Variants in SUMF1 observed in about 807,000 individuals in gnomAD.
SUMF1 encodes the protein sulfatase modifying factor 1.
SUMF1 carries 48 observed loss-of-function variants against 47.6 expected under a neutral mutation model. That is an observed-to-expected ratio of 1.01 (90% CI 0.80 to 1.28). The LOEUF (loss-of-function observed/expected upper bound fraction) is 1.28. SUMF1 is among the 50% of genes most tolerant of loss of function. SUMF1 has a pLI of 0.00. For missense variants in SUMF1, 571 were observed against 485.4 expected (o/e 1.18, Z -1.66); for synonymous variants, 230 against 192.1 (o/e 1.20, Z -1.63).
chr3:4,385,867 C>G (rs578111037), intron 7 of SUMF1, among the ~76,000 whole-genome samples: 2 of 152,300 alleles, frequency 1.3e-5, no homozygotes, highest in African/African-American at 4.8e-5. Context: ...TGTTCCAGCA[C>G]CATATGTTGA....
intron 8 of SUMF1, among the ~76,000 whole-genome samples, chr3:4,365,600 CTA>C (rs879498396): frequency 4.1e-5 from 6 of 145,286 alleles, no homozygotes; most frequent in Non-Finnish European, 7.6e-5. Context: ...TATTTTGAGC[CTA>C]TGTGTGTCTC....
intron 8 of SUMF1, among the ~76,000 whole-genome samples, chr3:4,260,023 A>AT (rs1305238715): frequency 8.5e-6 from 1 of 117,436 alleles, no homozygotes; most frequent in South Asian, 2.3e-4. Flanking sequence ...CAGAAAAAGG[A>AT]TAAAAAAAAA....
At chr3:4,065,834 C>G (rs1296849963) in intron 9 of SUMF1, among the ~76,000 whole-genome samples, 1 of 152,150 alleles carries the variant, frequency 6.6e-6, no homozygotes, top group Admixed American at 6.6e-5. Flanking sequence ...AGCAACAGCT[C>G]TGAGAACTCA....
chr3:4,050,326 T>C (rs1695084157), intron 9 of SUMF1, among the ~76,000 whole-genome samples: 1 of 151,944 alleles, frequency 6.6e-6, no homozygotes, highest in African/African-American at 2.4e-5. Context: ...AGGCAATCTA[T>C]TGTTATAAAA....
At chr3:4,364,134 T>C (rs1348452678) in intron 8 of SUMF1, among the ~76,000 whole-genome samples, 1 of 141,498 alleles carries the variant, frequency 7.1e-6, no homozygotes, top group Admixed American at 7.5e-5. Context: ...GCCAGTATTT[T>C]ATTGAGGATT....
At chr3:4,131,410 T>C (rs1220761026) in intron 8 of SUMF1, among the ~76,000 whole-genome samples, 1 of 152,064 alleles carries the variant, frequency 6.6e-6, no homozygotes, top group African/African-American at 2.4e-5. Context: ...AGGCCCTGGT[T>C]CTCAAATGGG....
At chr3:4,146,574 T>C (rs1054292729) in intron 8 of SUMF1, among the ~76,000 whole-genome samples, 2 of 151,972 alleles carry the variant, frequency 1.3e-5, no homozygotes, top group African/African-American at 4.8e-5. Context: ...CTAGGGTACA[T>C]GTGCACAACG....
chr3:4,254,404 C>T (rs986057935), intron 8 of SUMF1, among the ~76,000 whole-genome samples: 1 of 150,242 alleles, frequency 6.7e-6, no homozygotes, highest in Non-Finnish European at 1.5e-5. Flanking sequence ...ATAACCAATA[C>T]AGAGAAGTGC....
intron 6 of SUMF1, among the ~76,000 whole-genome samples, chr3:4,411,251 T>C (rs1701531664): frequency 6.6e-6 from 1 of 152,170 alleles, no homozygotes; most frequent in Non-Finnish European, 1.5e-5. Flanking sequence ...ACTAATATTA[T>C]CATCAATCAA....
At chr3:4,449,052 G>A (rs376217574) in intron 3 of SUMF1, among the ~76,000 whole-genome samples, 24 of 152,158 alleles carry the variant, frequency 1.6e-4, no homozygotes, top group African/African-American at 5.6e-4. Context: ...GAAACTCAAG[G>A]CAGACCCATC....
chr3:4,349,776 T>G (rs79901438), intron 8 of SUMF1, among the ~76,000 whole-genome samples: 35,042 of 151,648 alleles, frequency 0.23, 5,051 homozygotes, highest in Admixed American at 0.31. Flanking sequence ...CAAGTGAGAG[T>G]TGAACATTGA....
At chr3:4,173,034 G>A (rs969085410) in intron 8 of SUMF1, among the ~76,000 whole-genome samples, 2 of 152,114 alleles carry the variant, frequency 1.3e-5, no homozygotes, top group Non-Finnish European at 2.9e-5. Context: ...TCTGTATAAG[G>A]TGTAAGGAAG....
chr3:4,049,794 C>G (rs191416746), intron 9 of SUMF1, among the ~76,000 whole-genome samples: 2 of 152,242 alleles, frequency 1.3e-5, no homozygotes, highest in East Asian at 3.9e-4. Context: ...TTTCTGTACC[C>G]AAGCTCTCGT....
intron 8 of SUMF1, among the ~76,000 whole-genome samples, chr3:4,098,400 G>A (rs757223589): frequency 1.3e-5 from 2 of 152,056 alleles, no homozygotes; most frequent in Non-Finnish European, 2.9e-5. Context: ...ATTAAAATGT[G>A]GTAGAGCCTG....
At chr3:4,434,810 G>A (rs956862803) in intron 3 of SUMF1, among the ~76,000 whole-genome samples, 3 of 151,798 alleles carry the variant, frequency 2.0e-5, no homozygotes, top group Admixed American at 6.6e-5. Context: ...TGATTTTGCT[G>A]GAAAAAAAAA....
chr3:4,425,339 A>G (rs1285136398), intron 3 of SUMF1, among the ~76,000 whole-genome samples: 1 of 152,222 alleles, frequency 6.6e-6, no homozygotes, highest in Non-Finnish European at 1.5e-5. Flanking sequence ...ATTAAATTTA[A>G]AAATACATGT....
intron 8 of SUMF1, among the ~76,000 whole-genome samples, chr3:4,089,972 C>A (rs1248286407): frequency 6.6e-6 from 1 of 152,052 alleles, no homozygotes; most frequent in Admixed American, 6.6e-5. Context: ...GCGGTAGTTA[C>A]ACAATTATCT....
chr3:4,173,998 G>A (rs1160204937), intron 8 of SUMF1, among the ~76,000 whole-genome samples: 1 of 152,082 alleles, frequency 6.6e-6, no homozygotes, highest in Non-Finnish European at 1.5e-5. Context: ...TGCACATTCT[G>A]CACATGTATC....
At chr3:4,321,086 C>A (rs1260396473) in intron 8 of SUMF1, among the ~76,000 whole-genome samples, 1 of 152,074 alleles carries the variant, frequency 6.6e-6, no homozygotes, top group Admixed American at 6.6e-5. Flanking sequence ...AGCCAGGTTT[C>A]TCACTGTTGG....
Sources: allele counts gnomAD v4.1 joint callset (sites outside exome capture counted in the v4.1 genomes callset), GRCh38; gene constraint gnomAD v4.1.1; transcripts MANE v1.5; gene names NCBI Gene and HGNC (gene_info 2026-07-23, HGNC 2026-07-21).